Variants in DOK5 observed in about 807,000 individuals in gnomAD.
The protein encoded by DOK5 is downstream of tyrosine kinase 5.
Under a neutral mutation model 43.3 loss-of-function variants are expected in DOK5, and 27 were observed. That is an observed-to-expected ratio of 0.62 (90% CI 0.46 to 0.86). The LOEUF is 0.86. Among genes scored for constraint, DOK5 ranks in the 40% least tolerant of loss-of-function variants. The probability of loss-of-function intolerance (pLI) is 0.00; values close to 1 mark genes in which losing one functional copy is unlikely to be tolerated. For synonymous variants in DOK5, 146 were observed against 140.1 expected (o/e 1.04, Z -0.30); for missense variants, 373 against 392.9 (o/e 0.95, Z 0.43).
intron 1 of DOK5, among the ~76,000 whole-genome samples, chr20:54,510,077 C>A (rs1394412358): frequency 6.6e-6 from 1 of 152,098 alleles, no homozygotes; most frequent in Non-Finnish European, 1.5e-5. Flanking sequence ...ATGTAACAAA[C>A]CTGCACATCC....
intron 1 of DOK5, among the ~76,000 whole-genome samples, chr20:54,532,049 C>A (rs370489028): frequency 2.6e-5 from 4 of 152,126 alleles, no homozygotes; most frequent in Admixed American, 2.6e-4. Flanking sequence ...TGTGCTAGAG[C>A]TGGGGATACA....
chr20:54,503,044 G>T (rs1982669472), intron 1 of DOK5, among the ~76,000 whole-genome samples: 1 of 152,076 alleles, frequency 6.6e-6, no homozygotes, highest in Admixed American at 6.5e-5. Flanking sequence ...TAAGAAGTGG[G>T]GGTAAGACTG....
intron 5 of DOK5, 69 bp downstream of exon 5, chr20:54,591,874 G>A (rs537403625): frequency 3.6e-6 from 5 of 1,405,066 alleles, no homozygotes; most frequent in Non-Finnish European, 4.8e-6. Context: ...TACCATGCTC[G>A]CATCATATGA....
intron 6 of DOK5, among the ~76,000 whole-genome samples, chr20:54,626,760 C>A (rs115194179): frequency 6.6e-6 from 1 of 152,116 alleles, no homozygotes; most frequent in Non-Finnish European, 1.5e-5. Flanking sequence ...TCACAACACA[C>A]GACTAACCCC....
At chr20:54,501,282 A>G in intron 1 of DOK5, among the ~76,000 whole-genome samples, 1 of 151,902 alleles carries the variant, frequency 6.6e-6, no homozygotes, top group East Asian at 1.9e-4. Context: ...CCTGGCTAAC[A>G]CGATGAAACC....
intron 6 of DOK5, among the ~76,000 whole-genome samples, chr20:54,642,704 C>G (rs1979182146): frequency 1.3e-5 from 2 of 151,956 alleles, no homozygotes; most frequent in Admixed American, 1.3e-4. Context: ...GCCTTGCTGA[C>G]AGAGCAAGAC....
chr20:54,596,467 C>A (rs1377601361), intron 5 of DOK5, among the ~76,000 whole-genome samples: 2 of 152,196 alleles, frequency 1.3e-5, no homozygotes, highest in African/African-American at 4.8e-5. Context: ...GTTATTCCTG[C>A]TCAGTGGCTC....
intron 2 of DOK5, among the ~76,000 whole-genome samples, chr20:54,556,682 A>G (rs1984718764): frequency 6.6e-6 from 1 of 152,184 alleles, no homozygotes; most frequent in African/African-American, 2.4e-5. Context: ...TCATCTAGAC[A>G]CAGACAGAGC....
intron 6 of DOK5, among the ~76,000 whole-genome samples, chr20:54,641,731 TA>T (rs1440151155): frequency 6.6e-6 from 1 of 152,192 alleles, no homozygotes; most frequent in Non-Finnish European, 1.5e-5. Flanking sequence ...ACTAGGTCTG[TA>T]ACCCCCTGTG....
rs1983513481 is a variant in DOK5 at position 54,524,398 on chromosome 20, C to T, written c.67-30535C>T. Among the ~76,000 whole-genome samples, 3 of 152,184 alleles carry T rather than the reference C, an allele frequency of 2.0e-5. No individual in the cohort carries two copies. The South Asian group carries it at 6.2e-4, about 32-fold the overall frequency. ...GCAATGAACATGAGCAGGACTTACCCTTTGAAACTGAACAGTTCCTGGAAA... is the reference window on the plus strand; with the variant it reads ...GCAATGAACATGAGCAGGACTTACCTTTTGAAACTGAACAGTTCCTGGAAA... On this transcript the variant is annotated intron_variant, in intron 1 of 7. Transcript: ENST00000262593.
At chr20:54,585,572 G>A (rs1471953680) in intron 2 of DOK5, among the ~76,000 whole-genome samples, 1 of 152,160 alleles carries the variant, frequency 6.6e-6, no homozygotes, top group African/African-American at 2.4e-5. Flanking sequence ...TAACCATGTT[G>A]AAAAGAAAGA....
At chr20:54,548,525 C>T (rs918964416) in intron 1 of DOK5, among the ~76,000 whole-genome samples, 4 of 152,146 alleles carry the variant, frequency 2.6e-5, no homozygotes, top group African/African-American at 9.7e-5. Flanking sequence ...GCATGAGCCA[C>T]TGCACCCAGC....
chr20:54,647,684 C>A (rs1232950412), intron 7 of DOK5, among the ~76,000 whole-genome samples: 1 of 62,126 alleles, frequency 1.6e-5, no homozygotes, highest in East Asian at 1.4e-3. Flanking sequence ...GTAGACAGCA[C>A]CTTTCCCCTA....
chr20:54,631,788 A>G (rs1424064832), intron 6 of DOK5, among the ~76,000 whole-genome samples: 1 of 152,126 alleles, frequency 6.6e-6, no homozygotes, highest in Non-Finnish European at 1.5e-5. Context: ...CCTGGCCAGC[A>G]TGGTGAAACC....
At chr20:54,531,400 A>G (rs1270507708) in intron 1 of DOK5, among the ~76,000 whole-genome samples, 1 of 152,242 alleles carries the variant, frequency 6.6e-6, no homozygotes, top group Non-Finnish European at 1.5e-5. Context: ...AATTCACTAT[A>G]GATAGAACAC....
chr20:54,505,415 C>A (rs6098035), intron 1 of DOK5, among the ~76,000 whole-genome samples: 4,994 of 152,078 alleles, frequency 0.033, 277 homozygotes, highest in African/African-American at 0.11. Context: ...AGTTAGCTGA[C>A]CCCTGGATTA....
At chr20:54,646,919 G>A (rs1016389443) in intron 7 of DOK5, among the ~76,000 whole-genome samples, 1 of 148,070 alleles carries the variant, frequency 6.8e-6, no homozygotes, top group Non-Finnish European at 1.5e-5. Context: ...TGGCAAATCT[G>A]GAGGTTAAGG....
intron 1 of DOK5, among the ~76,000 whole-genome samples, chr20:54,548,907 G>A (rs1170583255): frequency 6.6e-6 from 1 of 152,120 alleles, no homozygotes; most frequent in Non-Finnish European, 1.5e-5. Flanking sequence ...GGCTCTTCTC[G>A]TGTTCTTAGG....
chr20:54,523,610 T>G (rs1983483936), intron 1 of DOK5, among the ~76,000 whole-genome samples: 1 of 152,070 alleles, frequency 6.6e-6, no homozygotes, highest in Admixed American at 6.5e-5. Context: ...CTGCCTTTTT[T>G]TGTTGTTGCT....
Sources: allele counts gnomAD v4.1 joint callset (sites outside exome capture counted in the v4.1 genomes callset), GRCh38; gene constraint gnomAD v4.1.1; transcripts MANE v1.5; gene names NCBI Gene and HGNC (gene_info 2026-07-23, HGNC 2026-07-21).